PC: variants seen among roughly 807,000 people sequenced by gnomAD.
PC encodes the protein pyruvate carboxylase, mitochondrial.
PC carries 46 observed loss-of-function variants against 107.8 expected under a neutral mutation model. That is an observed-to-expected ratio of 0.43 (90% CI 0.34 to 0.55). The LOEUF (loss-of-function observed/expected upper bound fraction) is 0.55. Ranked by LOEUF, PC falls within the 20% of genes least tolerant of loss-of-function variation. The pLI, the probability that PC is intolerant of heterozygous loss-of-function variation, is 0.04. For missense variants in PC, 1,241 were observed against 1,643.1 expected, an observed-to-expected ratio of 0.76 and a Z score of 4.23; for synonymous variants, 662 against 684.7, an observed-to-expected ratio of 0.97 and a Z score of 0.52.
At chr11:66,891,272 C>T (rs1309110869) in intron 3 of PC, among the ~76,000 whole-genome samples, 2 of 151,960 alleles carry the variant, frequency 1.3e-5, no homozygotes, top group African/African-American at 4.8e-5. Context: ...GTTGGCCAGG[C>T]TGGTCTTTAC....
intron 3 of PC, among the ~76,000 whole-genome samples, chr11:66,933,581 C>A (rs1273478747): frequency 6.6e-6 from 1 of 152,138 alleles, no homozygotes; most frequent in Admixed American, 6.5e-5. Flanking sequence ...TTCCATCCTG[C>A]ATTTCAAGAT....
intron 10 of PC, among the ~76,000 whole-genome samples, chr11:66,867,702 G>A (rs757051446): frequency 2.6e-5 from 4 of 152,200 alleles, no homozygotes; most frequent in African/African-American, 4.8e-5. Flanking sequence ...CACAAAACCC[G>A]TGCTCCACAG....
chr11:66,849,538 C>T (rs1054097846), intron 21 of PC, 73 bp downstream of exon 21: 38 of 1,612,210 alleles, frequency 2.4e-5, no homozygotes, highest in Non-Finnish European at 3.1e-5. Flanking sequence ...GGCTGGGTGA[C>T]AGCCAAGCTA....
chr11:66,850,041 C>T lies in PC; in HGVS notation c.2794G>A (p.Glu932Lys), dbSNP rs767040113. 3.4e-5 allele frequency: 55 copies of T among 1,613,592 alleles called. No individual in the cohort carries two copies. Among genetic ancestry groups the T allele is most frequent in the Non-Finnish European group, 4.6e-5 (54 of 1,180,044 alleles). The change falls in exon 20 of 23, where the codon GAA becomes AAA. Residue 932 changes from glutamate to lysine, a missense_variant. Physicochemically the swap from Glu to Lys is moderately conservative, Grantham distance 56. Around this residue, in one of 2 missense-constraint regions of PC, gnomAD observed 1,143 missense variants for 1,551.9 expected, o/e 0.74. Transcript: ENST00000393960. ...AAGGACAGCTCTTCCGCCTGAGCTT[C>T]GGCCTCTGCCCGGCTCAATCCATTC... The part of the protein sequence containing the change: ...VQNGLSRAEA[E>K]AQAEELSFPR...
At chr11:66,859,603 GC>G in intron 12 of PC, 1 of 1,611,634 alleles carries the variant, frequency 6.2e-7, no homozygotes, top group South Asian at 1.1e-5. Flanking sequence ...CTAGACCCCA[GC>G]CCCGGGCTCT....
At chr11:66,916,035 T>C (rs561282654) in intron 3 of PC, among the ~76,000 whole-genome samples, 2 of 152,282 alleles carry the variant, frequency 1.3e-5, no homozygotes, top group African/African-American at 4.8e-5. Context: ...ACACCAACTG[T>C]GTTTCTTTCA....
chr11:66,860,608 G>T (rs943364002), intron 12 of PC: 1 of 701,464 alleles, frequency 1.4e-6, no homozygotes, highest in Non-Finnish European at 2.6e-6. Context: ...GGGCCTCCTG[G>T]CTTCCTGTCC....
chr11:66,857,756 G>A lies in PC; in HGVS notation c.1369-4373C>T. 1 of 1,593,056 alleles carries A rather than the reference G, an allele frequency of 6.3e-7. No individual in the cohort carries two copies. The highest frequency in any genetic ancestry group is 1.3e-5 in the African/African-American group (1 of 74,884). On this transcript the variant is annotated intron_variant, in intron 12 of 22. Coordinates refer to ENST00000393960, the MANE Select transcript of PC (RefSeq NM_001040716.2). This position sits in a 1 kb window ranked among gnomAD's most constrained non-coding sequence, Gnocchi z 7.1. ...ACAGGGCGCTCACCATGGCCCCGCC[G>A]CTCCTGCTGCTGCTGCTGGCCAGTG...
At chr11:66,937,780 G>GTT (rs113916680) in intron 3 of PC, among the ~76,000 whole-genome samples, 3,356 of 137,186 alleles carry the variant, frequency 0.024, 134 homozygotes, top group African/African-American at 0.083. Flanking sequence ...GGTTTTTTTT[G>GTT]TTTTTTTTTT....
At chr11:66,877,474 G>C (rs1013319900) in intron 3 of PC, among the ~76,000 whole-genome samples, 1 of 151,920 alleles carries the variant, frequency 6.6e-6, no homozygotes, top group Non-Finnish European at 1.5e-5. Flanking sequence ...TGCATCACGA[G>C]GTCAGGAGAT....
chr11:66,848,868 G>C lies in PC; in HGVS notation c.*31C>G, dbSNP rs763970219. ...CAGCACAGCTTCTGTTGAAGGCTTG[G>C]GGATGGCCAGGCTGCCGGTCTGGGG... On this transcript the variant is annotated 3_prime_UTR_variant, in exon 23 of 23. Transcript: ENST00000393960. The C allele has an allele frequency of 3.8e-5, 62 of 1,612,978 alleles. No individual in the cohort carries two copies. Among genetic ancestry groups the C allele is most frequent in the Non-Finnish European group, 5.0e-5 (59 of 1,180,006 alleles).
chr11:66,910,819 T>C (rs1309352967), intron 3 of PC, among the ~76,000 whole-genome samples: 2 of 152,166 alleles, frequency 1.3e-5, no homozygotes, highest in African/African-American at 2.4e-5. Flanking sequence ...AGTCTCACAG[T>C]GTCCCAGAAT....
rs1009333695 is a variant in PC at position 66,936,243 on chromosome 11, T to TCA, written c.-1+16185_-1+16186dup. Among the ~76,000 whole-genome samples the TCA allele has an allele frequency of 4.8e-4, 71 of 148,416 alleles. 1 individual carries two copies. In the East Asian group the frequency reaches 7.9e-3, roughly 17 times the overall value. On this transcript the variant is annotated intron_variant, in intron 3 of 22. Transcript: ENST00000393960. ...AGCCTCGTGACAGAGCAAGACCCTGTCACACACACACACAAAAAAAAGGTG... is the reference window on the plus strand; with the variant it reads ...AGCCTCGTGACAGAGCAAGACCCTGTCACACACACACACACAAAAAAAAGGTG...
intron 3 of PC, chr11:66,919,922 T>A (rs1265173821): frequency 6.6e-6 from 1 of 152,166 alleles, no homozygotes; most frequent in African/African-American, 2.4e-5. Context: ...AAAATGGGCA[T>A]CAGGTCAAAG....
Position 66,852,762 on chromosome 11 carries a change from G to A in PC, c.1588C>T (p.Pro530Ser). 1 of 1,606,110 alleles carries A rather than the reference G, an allele frequency of 6.2e-7. No individual in the cohort carries two copies. Among genetic ancestry groups the A allele is most frequent in the South Asian group, 1.1e-5 (1 of 90,578 alleles). The change falls in exon 14 of 23, where the codon CCT (proline) becomes TCT (serine). Residue 530 changes from proline (P) to serine (S), a missense_variant. Physicochemically the swap from Pro to Ser is moderately conservative, Grantham distance 74. Around this residue, in one of 2 missense-constraint regions of PC, gnomAD observed 1,143 missense variants for 1,551.9 expected, o/e 0.74. Coordinates refer to ENST00000393960, the MANE Select transcript of PC (RefSeq NM_001040716.2). This position sits in a 1 kb window ranked among gnomAD's most constrained non-coding sequence, Gnocchi z 4.7. ...TCTCACCTACCTATGGGCACTGCAG[G>A]GACAACGGGGTCCGTGGGGCTGGGG... The part of the protein sequence containing the change: ...ASPSPTDPVV[P>S]AVPIGPPPAG...
At chr11:66,890,804 G>A (rs1262619353) in intron 3 of PC, among the ~76,000 whole-genome samples, 2 of 151,284 alleles carry the variant, frequency 1.3e-5, no homozygotes, top group East Asian at 2.0e-4. Context: ...CTCCCCCGCC[G>A]CGGTTGTTTC....
At chr11:66,910,803 G>A (rs556274570) in intron 3 of PC, among the ~76,000 whole-genome samples, 2 of 152,284 alleles carry the variant, frequency 1.3e-5, no homozygotes, top group African/African-American at 4.8e-5. Flanking sequence ...CAACGCTAGT[G>A]CTGACAGTCT....
chr11:66,849,130 G>A lies in PC; in HGVS notation c.3306C>T (p.Pro1102=), dbSNP rs757506866. Residue 1102 remains proline, a synonymous_variant, in exon 23 of 23, where the codon CCC becomes CCT. Coordinates refer to ENST00000393960, the MANE Select transcript of PC (RefSeq NM_001040716.2). ...TQAMKEMHFH[P]KALKDVKGQI... Reference sequence around the variant, plus strand: ...GGCCCTTCACGTCCTTTAGGGCCTTGGGGTGGAAGTGCATCTCCTGAAGAC... The same window carrying A: ...GGCCCTTCACGTCCTTTAGGGCCTTAGGGTGGAAGTGCATCTCCTGAAGAC... 3.1e-6 allele frequency: 5 copies of A among 1,614,026 alleles called. No individual in the cohort carries two copies. The South Asian group carries it at 4.4e-5, about 14-fold the overall frequency.
rs1945982619 is a variant in PC at position 66,858,134 on chromosome 11, C to G, written c.1369-4751G>C. The stretch of plus-strand genomic sequence containing the variant: ...TGCAGCACCTCATCCTCAGCGGCAA[C>G]CAGCTGGGCCGCATCGCGCCGGGAG... On this transcript the variant is annotated intron_variant, in intron 12 of 22. Coordinates refer to ENST00000393960, the MANE Select transcript of PC (RefSeq NM_001040716.2). The surrounding 1 kb of genome is among the most constrained non-coding windows in gnomAD (Gnocchi z 5.9). 1 of 1,610,468 alleles carries G rather than the reference C, an allele frequency of 6.2e-7. No homozygotes were observed. Among genetic ancestry groups the G allele is most frequent in the African/African-American group, 1.3e-5 (1 of 74,912 alleles).
Sources: allele counts gnomAD v4.1 joint callset (sites outside exome capture counted in the v4.1 genomes callset), GRCh38; gene constraint gnomAD v4.1.1; regional missense constraint gnomAD v4.1.1; non-coding constraint Gnocchi (gnomAD v3.1); transcripts MANE v1.5; gene names NCBI Gene and HGNC (gene_info 2026-07-23, HGNC 2026-07-21).